The following ADCY1 variants were observed in gnomAD, a reference collection of about 807,000 sequenced individuals.
ADCY1 encodes the protein adenylate cyclase type 1.
In ADCY1, 28 loss-of-function variants were observed where a neutral mutation model predicts 105.4. That is an observed-to-expected ratio of 0.27 (90% CI 0.20 to 0.36). The LOEUF (loss-of-function observed/expected upper bound fraction) is 0.36. Among genes scored for constraint, ADCY1 ranks in the 10% least tolerant of loss-of-function variants. The probability of loss-of-function intolerance (pLI) is 1.00; values close to 1 mark genes in which losing one functional copy is unlikely to be tolerated. For synonymous variants in ADCY1, 655 were observed against 623.8 expected, an observed-to-expected ratio of 1.05 and a Z score of -0.75; for missense variants, 977 against 1,434.2, an observed-to-expected ratio of 0.68 and a Z score of 5.15.
intron 3 of ADCY1, among the ~76,000 whole-genome samples, chr7:45,618,378 G>T (rs1793798265): frequency 6.6e-6 from 1 of 152,166 alleles, no homozygotes; most frequent in Non-Finnish European, 1.5e-5. Flanking sequence ...AGAGAAATGG[G>T]ATTATATCAA....
At position 45,719,168 on chromosome 7, in the gene ADCY1, GGGGCAGAGCCCCAGCCA is replaced by G. The variant is rs1785417440; in HGVS notation, c.*5180_*5196del. The G allele has an allele frequency of 6.5e-6, 1 of 153,016 alleles. No individual in the cohort carries two copies. Among genetic ancestry groups the G allele is most frequent in the African/African-American group, 2.4e-5 (1 of 41,474 alleles). The allele number at this position is 153,016 out of a possible 1,614,324, so 9.5% of individuals were successfully genotyped here. On this transcript the variant is annotated 3_prime_UTR_variant, in exon 20 of 20. Coordinates refer to ENST00000297323, the MANE Select transcript of ADCY1 (RefSeq NM_021116.4). ...AGGGTGGGCTGGGGGCCAGCAGCAG[GGGGCAGAGCCCCAGCCA>G]GGGCAGCTGCTTCCTGCACATAGAC...
At chr7:45,596,588 G>T (rs750040091) in intron 2 of ADCY1, among the ~76,000 whole-genome samples, 1 of 152,214 alleles carries the variant, frequency 6.6e-6, no homozygotes, top group Non-Finnish European at 1.5e-5. Context: ...CCTGGGAGCC[G>T]ATGTGGGCAT....
rs1464859711 is a variant in ADCY1, at chr7:45,686,441, G to A, written c.2328-106G>A. On this transcript the variant is annotated intron_variant, in intron 13 of 19. Coordinates refer to ENST00000297323, the MANE Select transcript of ADCY1 (RefSeq NM_021116.4). The surrounding 1 kb of genome is among the most constrained non-coding windows in gnomAD (Gnocchi z 4.3). ...GGTCAATCCCAGCAAGCTGTTTTTG[G>A]GTGTCACCACCTGAGGGTCACTCTG... The A allele has an allele frequency of 4.0e-6, 6 of 1,493,792 alleles. No homozygotes were observed. Among genetic ancestry groups the A allele is most frequent in the Non-Finnish European group, 5.4e-6 (6 of 1,117,008 alleles). 92.5% of individuals were successfully genotyped at this position (1,493,792 alleles called of 1,614,324 possible).
At chr7:45,681,628 G>A (rs1458305299) in intron 11 of ADCY1, among the ~76,000 whole-genome samples, 1 of 152,168 alleles carries the variant, frequency 6.6e-6, no homozygotes. Context: ...TGTGTACTGG[G>A]TCAGGGTTTG....
At chr7:45,684,860 G>A (rs1380086478) in intron 11 of ADCY1, 119 bp from the exon 12 acceptor site, 55 of 794,528 alleles carry the variant, frequency 6.9e-5, no homozygotes, top group Middle Eastern at 2.4e-4. Context: ...GGTGAAAAAC[G>A]GATGTGGACC....
intron 3 of ADCY1, among the ~76,000 whole-genome samples, chr7:45,614,290 C>T (rs1793675583): frequency 6.6e-6 from 1 of 151,986 alleles, no homozygotes; most frequent in African/African-American, 2.4e-5. Context: ...TGTAGAGTTT[C>T]TGTATGTAAT....
chr7:45,587,407 C>T (rs558879201), intron 1 of ADCY1, among the ~76,000 whole-genome samples: 1 of 152,284 alleles, frequency 6.6e-6, no homozygotes, highest in Admixed American at 6.5e-5. Flanking sequence ...ACTTTGACTA[C>T]AGCCTGATTG....
At chr7:45,578,440 A>T (rs963512171) in intron 1 of ADCY1, among the ~76,000 whole-genome samples, 5 of 152,218 alleles carry the variant, frequency 3.3e-5, no homozygotes, top group Non-Finnish European at 7.3e-5. Context: ...GTCAGAACTG[A>T]AAGCATCCTA....
At chr7:45,691,445 G>A (rs1485272996) in intron 14 of ADCY1, among the ~76,000 whole-genome samples, 1 of 152,228 alleles carries the variant, frequency 6.6e-6, no homozygotes, top group Non-Finnish European at 1.5e-5. Context: ...ACAAACATTA[G>A]AGTGCCTCAA....
intron 3 of ADCY1, among the ~76,000 whole-genome samples, chr7:45,618,177 A>G (rs921127612): frequency 3.3e-5 from 5 of 152,244 alleles, no homozygotes; most frequent in Non-Finnish European, 7.3e-5. Flanking sequence ...GGATATGCAT[A>G]TGCAGAAAAT....
At chr7:45,584,692 A>G (rs1187710523) in intron 1 of ADCY1, among the ~76,000 whole-genome samples, 1 of 152,230 alleles carries the variant, frequency 6.6e-6, no homozygotes, top group East Asian at 1.9e-4. Flanking sequence ...CACACAGTCT[A>G]GAGCCAGGTC....
At chr7:45,614,589 A>G (rs866336336) in intron 3 of ADCY1, among the ~76,000 whole-genome samples, 3 of 152,218 alleles carry the variant, frequency 2.0e-5, no homozygotes, top group African/African-American at 7.2e-5. Context: ...GTCAAAACAC[A>G]TAGCATGGCT....
rs1033825449 is a variant in ADCY1, at chr7:45,721,171, G to C, written c.*7176G>C. ...TCTGAATGCAGCCAAGGCTGTCCCC[G>C]CAATGGGTGAGACTCGCTCCAACTG... On this transcript the variant is annotated 3_prime_UTR_variant, in exon 20 of 20. Coordinates refer to ENST00000297323, the MANE Select transcript of ADCY1 (RefSeq NM_021116.4). 6.6e-6 allele frequency: 1 copy of C among 152,232 alleles called. No homozygotes were observed. The highest frequency in any genetic ancestry group is 2.4e-5 in the African/African-American group (1 of 41,434). 9.4% of individuals were successfully genotyped at this position (152,232 alleles called of 1,614,324 possible).
Position 45,711,607 on chromosome 7 carries a change from G to GTA in ADCY1, c.3057+992_3057+993dup, listed in dbSNP as rs71030888. 3.3e-3 allele frequency among the ~76,000 whole-genome samples: 236 copies of GTA among 70,654 alleles called. 3 individuals carry two copies. Among genetic ancestry groups the GTA allele is most frequent in the East Asian group, 7.9e-3 (22 of 2,798 alleles). 46.4% of individuals were successfully genotyped at this position (70,654 alleles called of 152,430 possible). ...CCATCCACCTCCAGAACTTCGTGCT[G>GTA]TATATATATATATATATATATATAT... On this transcript the variant is annotated intron_variant, in intron 19 of 19. Coordinates refer to ENST00000297323, the MANE Select transcript of ADCY1 (RefSeq NM_021116.4).
At chr7:45,624,389 C>A (rs920708744) in intron 4 of ADCY1, among the ~76,000 whole-genome samples, 1 of 152,074 alleles carries the variant, frequency 6.6e-6, no homozygotes, top group East Asian at 1.9e-4. Flanking sequence ...GGACGCTACT[C>A]CCTTTGGAAG....
At chr7:45,705,516 C>G (rs1305882140) in intron 17 of ADCY1, among the ~76,000 whole-genome samples, 1 of 152,170 alleles carries the variant, frequency 6.6e-6, no homozygotes, top group South Asian at 2.1e-4. Flanking sequence ...TTAAGTCTAA[C>G]ACCCATTCCT....
At chr7:45,590,824 T>A (rs1357930834) in intron 1 of ADCY1, among the ~76,000 whole-genome samples, 1 of 152,160 alleles carries the variant, frequency 6.6e-6, no homozygotes, top group Non-Finnish European at 1.5e-5. Context: ...GCAGAGGGTG[T>A]GGTCAGGGTG....
chr7:45,577,294 GTTCTA>G (rs1384259507), intron 1 of ADCY1, among the ~76,000 whole-genome samples: 1 of 152,220 alleles, frequency 6.6e-6, no homozygotes, highest in East Asian at 1.9e-4. Flanking sequence ...TTTTTAGAAT[GTTCTA>G]TTCAAGTCCA....
At chr7:45,621,465 A>T (rs1329481542) in intron 3 of ADCY1, among the ~76,000 whole-genome samples, 2 of 152,236 alleles carry the variant, frequency 1.3e-5, no homozygotes, top group Non-Finnish European at 2.9e-5. Context: ...GAATAAATGA[A>T]TTAGAATACT....
Sources: gnomAD v4.1 joint callset for allele counts (sites outside exome capture counted in the v4.1 genomes callset) on GRCh38, gnomAD v4.1.1 for gene constraint, Gnocchi (gnomAD v3.1) non-coding constraint, MANE v1.5 for transcripts, NCBI Gene and HGNC (gene_info 2026-07-23, HGNC 2026-07-21) for gene names.